Variants in UNC13C observed in about 807,000 individuals in gnomAD.
UNC13C encodes protein unc-13 homolog C.
UNC13C carries 174 observed loss-of-function variants against 245.4 expected under a neutral mutation model. The ratio of observed to expected loss-of-function variants is 0.71; its 90% CI spans 0.63 to 0.80. UNC13C has a LOEUF of 0.80. Among genes scored for constraint, UNC13C ranks in the 30% least tolerant of loss-of-function variants. UNC13C has a pLI of 0.00. For synonymous variants in UNC13C, 992 were observed against 895.1 expected (o/e 1.11, Z -1.93); for missense variants, 2,829 against 2,602.9 (o/e 1.09, Z -1.89).
Position 54,417,331 on chromosome 15 carries a change from G to A in UNC13C, c.4933+2264G>A, listed in dbSNP as rs1377087923. Among the ~76,000 whole-genome samples the A allele has an allele frequency of 2.6e-5, 4 of 152,004 alleles. No homozygotes were observed. The South Asian group carries it at 6.2e-4, about 24-fold the overall frequency. Reference sequence around the variant, plus strand: ...GACCGTCTTTTGCTGTGTGACCTTGGGAACATTCCAAGAGCTCAACACCTT... The same window carrying A: ...GACCGTCTTTTGCTGTGTGACCTTGAGAACATTCCAAGAGCTCAACACCTT... On this transcript the variant is annotated intron_variant, in intron 19 of 32. Coordinates refer to ENST00000260323, the MANE Select transcript of UNC13C (RefSeq NM_001080534.3).
At chr15:54,407,912 A>G (rs2040329860) in intron 18 of UNC13C, among the ~76,000 whole-genome samples, 1 of 152,054 alleles carries the variant, frequency 6.6e-6, no homozygotes, top group African/African-American at 2.4e-5. Flanking sequence ...TTGTAAAAGA[A>G]AAGAATGGGC....
intron 19 of UNC13C, among the ~76,000 whole-genome samples, chr15:54,448,898 T>G (rs1026760636): frequency 5.3e-5 from 8 of 152,240 alleles, no homozygotes; most frequent in Non-Finnish European, 7.3e-5. Flanking sequence ...GACATGTTTT[T>G]GCAGTGGCTG....
At chr15:53,893,652 G>A in the UNC13C span, among the ~76,000 whole-genome samples, 13 of 152,166 alleles carry the variant, frequency 8.5e-5, no homozygotes, top group Non-Finnish European at 1.8e-4. Context: ...TACACTCTGA[G>A]GGTAAAACTG....
chr15:54,172,429 T>C (rs1187927381), intron 4 of UNC13C, among the ~76,000 whole-genome samples: 3 of 151,678 alleles, frequency 2.0e-5, no homozygotes, highest in Non-Finnish European at 4.4e-5. Flanking sequence ...TTGAATTTTA[T>C]ATGAATGAGG....
intron 2 of UNC13C, among the ~76,000 whole-genome samples, chr15:54,059,161 A>G (rs9795046): frequency 1.3e-5 from 2 of 152,044 alleles, no homozygotes; most frequent in Non-Finnish European, 2.9e-5. Context: ...TGGGAAAAGA[A>G]GAAGTCAAAT....
chr15:53,922,577 T>C, the UNC13C span, among the ~76,000 whole-genome samples: 1 of 152,182 alleles, frequency 6.6e-6, no homozygotes, highest in Admixed American at 6.5e-5. Flanking sequence ...CTGCCTCAGG[T>C]TCTTTATTCC....
chr15:54,296,710 A>C (rs180798726), intron 11 of UNC13C, among the ~76,000 whole-genome samples: 8 of 152,292 alleles, frequency 5.3e-5, no homozygotes, highest in Non-Finnish European at 1.0e-4. Context: ...TATACGGCTA[A>C]AGATACAGCT....
chr15:54,511,908 T>C, intron 24 of UNC13C, 78 bp downstream of exon 24: 1 of 1,064,502 alleles, frequency 9.4e-7, no homozygotes, highest in African/African-American at 1.6e-5. Context: ...TATGAAAGTG[T>C]CTTAATCAAG....
At chr15:54,375,387 G>A (rs745496048) in intron 17 of UNC13C, among the ~76,000 whole-genome samples, 5 of 152,196 alleles carry the variant, frequency 3.3e-5, no homozygotes, top group Non-Finnish European at 7.3e-5. Flanking sequence ...CCACCAGTGA[G>A]TAATGCTATT....
At chr15:54,421,488 G>C (rs1360973412) in intron 19 of UNC13C, among the ~76,000 whole-genome samples, 1 of 152,040 alleles carries the variant, frequency 6.6e-6, no homozygotes, top group Non-Finnish European at 1.5e-5. Context: ...AGCAGCATCA[G>C]CTAGGCAGTT....
intron 1 of UNC13C, among the ~76,000 whole-genome samples, chr15:54,001,357 C>T (rs563226627): frequency 1.3e-5 from 2 of 151,860 alleles, no homozygotes; most frequent in South Asian, 2.1e-4. Context: ...TGGAGGAGTG[C>T]ATTAGCTCCT....
the UNC13C span, among the ~76,000 whole-genome samples, chr15:53,958,884 A>G: frequency 6.6e-6 from 1 of 152,218 alleles, no homozygotes; most frequent in African/African-American, 2.4e-5. Flanking sequence ...GTCGAATACT[A>G]GAACTTATTC....
At chr15:54,573,522 A>G (rs1897842871) in intron 30 of UNC13C, among the ~76,000 whole-genome samples, 1 of 152,244 alleles carries the variant, frequency 6.6e-6, no homozygotes, top group Non-Finnish European at 1.5e-5. Context: ...ATGTACTGCA[A>G]TATTAAAACA....
chr15:54,594,694 C>G (rs749086469), intron 30 of UNC13C, among the ~76,000 whole-genome samples: 3 of 152,140 alleles, frequency 2.0e-5, no homozygotes, highest in Non-Finnish European at 2.9e-5. Context: ...GCAACATCCC[C>G]AAGTCTATTT....
chr15:54,405,464 T>A (rs555121842), intron 18 of UNC13C, among the ~76,000 whole-genome samples: 6 of 152,244 alleles, frequency 3.9e-5, no homozygotes, highest in African/African-American at 1.4e-4. Context: ...TTGTGGAATG[T>A]CAGAAAAACA....
chr15:54,049,643 C>A (rs1247894228), intron 2 of UNC13C: 1 of 250,174 alleles, frequency 4.0e-6, no homozygotes, highest in South Asian at 4.8e-5. Context: ...ATGCCCAATT[C>A]CACACACTCC....
At chr15:54,548,990 T>A (rs1311465390) in intron 27 of UNC13C, among the ~76,000 whole-genome samples, 1 of 152,176 alleles carries the variant, frequency 6.6e-6, no homozygotes, top group Non-Finnish European at 1.5e-5. Context: ...TTGTTCAGAA[T>A]AGCTAATTTT....
intron 29 of UNC13C, among the ~76,000 whole-genome samples, chr15:54,561,148 C>A (rs1897282608): frequency 6.6e-6 from 1 of 151,930 alleles, no homozygotes; most frequent in Admixed American, 6.6e-5. Flanking sequence ...CTGGGCCCAG[C>A]ACTTTTTCCC....
intron 19 of UNC13C, among the ~76,000 whole-genome samples, chr15:54,482,208 C>T (rs1417336858): frequency 5.9e-5 from 9 of 152,040 alleles, no homozygotes; most frequent in Admixed American, 3.3e-4. Flanking sequence ...TCGGGAAGGA[C>T]ATAGGGGGAT....
Sources: gnomAD v4.1 joint callset for allele counts (sites outside exome capture counted in the v4.1 genomes callset) on GRCh38, gnomAD v4.1.1 for gene constraint, MANE v1.5 for transcripts, NCBI Gene and HGNC (gene_info 2026-07-23, HGNC 2026-07-21) for gene names.